Variants in ABHD16A observed in about 807,000 individuals in gnomAD.
ABHD16A encodes abhydrolase domain containing 16A, phospholipase, also known as phosphatidylserine lipase ABHD16A.
In ABHD16A, 47 loss-of-function variants were observed where a neutral mutation model predicts 89.8. That is an observed-to-expected ratio of 0.52 (90% CI 0.41 to 0.67). ABHD16A has a LOEUF of 0.67. ABHD16A is among the 30% of genes least tolerant of loss of function. The pLI is 0.00. For synonymous variants in ABHD16A, 251 were observed against 280.4 expected (o/e 0.90, Z 1.05); for missense variants, 580 against 734.6 (o/e 0.79, Z 2.43).
chr6:31,698,595 C>T lies in ABHD16A; in HGVS notation c.344-1562G>A, dbSNP rs1804615224. 6.6e-6 allele frequency among the ~76,000 whole-genome samples: 1 copy of T among 152,104 alleles called. No individual in the cohort carries two copies. Among genetic ancestry groups the T allele is most frequent in the Non-Finnish European group, 1.5e-5 (1 of 68,020 alleles). ...CCGCCTCCCGGGTTCAAGTGATTCT[C>T]CTGCCACAGCCTCCCAAATAGCTGG... is the stretch of plus-strand genomic sequence containing the variant. On this transcript the variant is annotated intron_variant, in intron 4 of 19. Transcript: ENST00000395952. This position sits in a 1 kb window ranked among gnomAD's most constrained non-coding sequence, Gnocchi z 4.1.
Position 31,690,435 on chromosome 6 carries a change from C to T in ABHD16A, c.907+104G>A. The T allele has an allele frequency of 7.7e-7, 1 of 1,293,280 alleles. No homozygotes were observed. The allele number at this position is 1,293,280 out of a possible 1,614,324, so 80.1% of individuals were successfully genotyped here. ...TTCCCTAAAGCTGAGAGACTCAAAACCTCACCCAGAGAAAGCAGAGGCCAG... is the reference window on the plus strand; with the variant it reads ...TTCCCTAAAGCTGAGAGACTCAAAATCTCACCCAGAGAAAGCAGAGGCCAG... On this transcript the variant is annotated intron_variant, in intron 10 of 19. Coordinates refer to ENST00000395952, the MANE Select transcript of ABHD16A (RefSeq NM_021160.3). The surrounding 1 kb of genome is among the most constrained non-coding windows in gnomAD (Gnocchi z 4.1).
intron 4 of ABHD16A, among the ~76,000 whole-genome samples, chr6:31,699,595 CAG>C (rs1035513731): frequency 6.6e-6 from 1 of 151,934 alleles, no homozygotes; most frequent in East Asian, 1.9e-4. Context: ...TATCTGGAGA[CAG>C]AGTCTCGCTC....
At position 31,690,483 on chromosome 6, in the gene ABHD16A, G is replaced by C; in HGVS notation, c.907+56C>G. 3 of 1,581,342 alleles carry C rather than the reference G, an allele frequency of 1.9e-6. No individual in the cohort carries two copies. In the South Asian group the frequency reaches 3.3e-5, roughly 17 times the overall value. ...CAGGGGAGGTCAGGTCAGTGTGGGA[G>C]GCAGGGACATTCCCTTTCAAAGGGC... On this transcript the variant is annotated intron_variant, in intron 10 of 19. Coordinates refer to ENST00000395952, the MANE Select transcript of ABHD16A (RefSeq NM_021160.3). This position sits in a 1 kb window ranked among gnomAD's most constrained non-coding sequence, Gnocchi z 4.1.
In ABHD16A at chr6:31,690,268, A is replaced by T; in HGVS notation, c.908-141T>A. ...TCCCAGAAATAGGAGATGACACCAG[A>T]GGTTCTGAGGCAGCACAGGGAGCAG... On this transcript the variant is annotated intron_variant, in intron 10 of 19. Coordinates refer to ENST00000395952, the MANE Select transcript of ABHD16A (RefSeq NM_021160.3). The surrounding 1 kb of genome is among the most constrained non-coding windows in gnomAD (Gnocchi z 4.1). 1.2e-6 allele frequency: 1 copy of T among 807,266 alleles called. No homozygotes were observed. Among genetic ancestry groups the T allele is most frequent in the Non-Finnish European group, 1.9e-6 (1 of 516,238 alleles). The allele number at this position is 807,266 out of a possible 1,614,324, so 50.0% of individuals were successfully genotyped here.
Position 31,703,160 on chromosome 6 carries a change from G to T in ABHD16A, c.122C>A (p.Ser41Tyr). ...AGGAACTCGACTCACCCAGGAGCTG[G>T]AATGGGGGGCAGTGACTGCCGTTGG... ...ETPTAVTAPH[S>Y]SSWDTYYQPR... Residue 41 changes from serine (S) to tyrosine (Y), a missense_variant, in exon 1 of 20, where the codon TCC becomes TAC. Transcript: ENST00000395952. 1 of 1,433,062 alleles carries T rather than the reference G, an allele frequency of 7.0e-7. No homozygotes were observed. Among genetic ancestry groups the T allele is most frequent in the Non-Finnish European group, 9.2e-7 (1 of 1,086,294 alleles). The allele number at this position is 1,433,062 out of a possible 1,614,324, so 88.8% of individuals were successfully genotyped here.
rs1456013759 is a variant in ABHD16A at position 31,688,999 on chromosome 6, TGG to T, written c.1186+14_1186+15del. On this transcript the variant is annotated intron_variant, in intron 13 of 19. Coordinates refer to ENST00000395952, the MANE Select transcript of ABHD16A (RefSeq NM_021160.3). The surrounding 1 kb of genome is among the most constrained non-coding windows in gnomAD (Gnocchi z 4.9). ...CACCCCTTCCCAGGAAGGGCAGGCC[TGG>T]GAGCTGCACTCACTCCAGCTGTCTG... 2 of 1,606,564 alleles carry T rather than the reference TGG, an allele frequency of 1.2e-6. No individual in the cohort carries two copies. The highest frequency in any genetic ancestry group is 1.7e-6 in the Non-Finnish European group (2 of 1,174,714).
At chr6:31,699,675 C>G (rs1406770914) in intron 4 of ABHD16A, among the ~76,000 whole-genome samples, 1 of 152,072 alleles carries the variant, frequency 6.6e-6, no homozygotes, top group Non-Finnish European at 1.5e-5. Flanking sequence ...CAGGTTCAAG[C>G]AGTTCTCATG....
At chr6:31,696,133 C>T (rs1398273059) in intron 5 of ABHD16A, among the ~76,000 whole-genome samples, 1 of 149,808 alleles carries the variant, frequency 6.7e-6, no homozygotes, top group African/African-American at 2.5e-5. Context: ...CACTGCACTC[C>T]AGCCTGGGCG....
Position 31,703,096 on chromosome 6 carries a change from C to T in ABHD16A, c.132+54G>A. 3.6e-6 allele frequency: 5 copies of T among 1,376,194 alleles called. No individual in the cohort carries two copies. In the South Asian group the frequency reaches 1.0e-4, roughly 28 times the overall value. 85.2% of individuals were successfully genotyped at this position (1,376,194 alleles called of 1,614,324 possible). A position where few individuals can be genotyped will look rare whatever the true frequency, so the allele number is the denominator to read the frequency against. On this transcript the variant is annotated intron_variant, in intron 1 of 19. Transcript: ENST00000395952. The stretch of plus-strand genomic sequence containing the variant: ...ATGGGCACTTCTGGGGAGCAAAAGG[C>T]CGTAAAGGGTTTGGACTGTACCACG...
chr6:31,699,555 T>C (rs1393078674), intron 4 of ABHD16A, among the ~76,000 whole-genome samples: 1 of 152,076 alleles, frequency 6.6e-6, no homozygotes, highest in Non-Finnish European at 1.5e-5. Context: ...TAACACAACA[T>C]TTGAGAAATT....
At position 31,688,418 on chromosome 6, in the gene ABHD16A, C is replaced by T. The variant is rs1803520773; in HGVS notation, c.1251-113G>A. 3 of 1,119,278 alleles carry T rather than the reference C, an allele frequency of 2.7e-6. No individual in the cohort carries two copies. Among genetic ancestry groups the T allele is most frequent in the Admixed American group, 1.9e-5 (1 of 53,318 alleles). The allele number at this position is 1,119,278 out of a possible 1,614,324, so 69.3% of individuals were successfully genotyped here. On this transcript the variant is annotated intron_variant, in intron 14 of 19. Coordinates refer to ENST00000395952, the MANE Select transcript of ABHD16A (RefSeq NM_021160.3). This position sits in a 1 kb window ranked among gnomAD's most constrained non-coding sequence, Gnocchi z 4.9. ...TTACCCTCCCCTTGCTATAGCACAG[C>T]CCTTGACCTAGCCCTTCACTCAGGG... is the stretch of plus-strand genomic sequence containing the variant.
At position 31,693,371 on chromosome 6, in the gene ABHD16A, T is replaced by C; in HGVS notation, c.491A>G (p.Glu164Gly). 6.2e-7 allele frequency: 1 copy of C among 1,613,080 alleles called. No individual in the cohort carries two copies. The change falls in exon 6 of 20, where the codon GAA becomes GGA. Residue 164 changes from glutamate to glycine, a missense_variant. Around this residue, in one of 2 missense-constraint regions of ABHD16A, gnomAD observed 415 missense variants for 568.8 expected, o/e 0.73. Transcript: ENST00000395952. The surrounding 1 kb of genome is among the most constrained non-coding windows in gnomAD (Gnocchi z 5.0). ...RSWPVDFHWE[E>G]PSSRKESRGG... Reference sequence around the variant, plus strand: ...ACTGGGGCCTCACCGGCTGCTGGGTTCTTCCCAGTGGAAGTCGACTGGCCA... The same window carrying C: ...ACTGGGGCCTCACCGGCTGCTGGGTCCTTCCCAGTGGAAGTCGACTGGCCA...
intron 1 of ABHD16A, chr6:31,702,702 T>C: frequency 6.5e-7 from 1 of 1,545,220 alleles, no homozygotes; most frequent in Non-Finnish European, 8.7e-7. Flanking sequence ...ATACAGGATC[T>C]GTAAAAGTCA....
At chr6:31,696,163 C>CAA (rs59018866) in intron 5 of ABHD16A, among the ~76,000 whole-genome samples, 6 of 69,708 alleles carry the variant, frequency 8.6e-5, no homozygotes, top group Admixed American at 1.6e-4. Context: ...GACTCCGTCT[C>CAA]AAAAAAAAAA....
Position 31,703,253 on chromosome 6 carries a change from C to T in ABHD16A, c.29G>A (p.Gly10Asp). The change falls in exon 1 of 20, where the codon GGC (glycine) becomes GAC (aspartate). Residue 10 changes from glycine (G) to aspartate (D), a missense_variant. This residue lies in a region of ABHD16A where 165 missense variants were observed against 165.8 expected (regional missense o/e 1.00). Coordinates refer to ENST00000395952, the MANE Select transcript of ABHD16A (RefSeq NM_021160.3). MAKLLSCVL[G>D]PRLYKIYRER... ...CCGGTAGATTTTGTAGAGCCGGGGGCCTAGGACGCAGCTCAGCAGCTTCGC... is the reference window on the plus strand; with the variant it reads ...CCGGTAGATTTTGTAGAGCCGGGGGTCTAGGACGCAGCTCAGCAGCTTCGC... 7.1e-7 allele frequency: 1 copy of T among 1,409,022 alleles called. No homozygotes were observed. The highest frequency in any genetic ancestry group is 9.4e-7 in the Non-Finnish European group (1 of 1,068,980). 87.3% of individuals were successfully genotyped at this position (1,409,022 alleles called of 1,614,324 possible).
intron 12 of ABHD16A, 82 bp from the exon 13 acceptor site, chr6:31,689,201 C>G: frequency 1.6e-6 from 2 of 1,266,012 alleles, no homozygotes; most frequent in Non-Finnish European, 2.2e-6. Flanking sequence ...CCCACTGACC[C>G]TATAGGCCAA....
intron 2 of ABHD16A, 43 bp downstream of exon 2, chr6:31,702,031 G>A: frequency 2.5e-6 from 4 of 1,609,526 alleles, no homozygotes; most frequent in Non-Finnish European, 3.4e-6. Context: ...GAGGACAGGT[G>A]GGTCTGAAAG....
chr6:31,692,694 G>A, intron 7 of ABHD16A: 1 of 401,302 alleles, frequency 2.5e-6, no homozygotes, highest in East Asian at 5.5e-5. Flanking sequence ...GCCACGATGG[G>A]TACACAGATG....
chr6:31,694,387 C>CTTTTTTTTTTTTTTTT (rs1190272819), intron 5 of ABHD16A, among the ~76,000 whole-genome samples: 1 of 77,706 alleles, frequency 1.3e-5, no homozygotes, highest in Non-Finnish European at 2.3e-5. Flanking sequence ...GGAGCTGTGT[C>CTTTTTTTTTTTTTTTT]TTTTTTTTTT....
Sources: allele counts gnomAD v4.1 joint callset (sites outside exome capture counted in the v4.1 genomes callset), GRCh38; gene constraint gnomAD v4.1.1; regional missense constraint gnomAD v4.1.1; non-coding constraint Gnocchi (gnomAD v3.1); transcripts MANE v1.5; gene names NCBI Gene and HGNC (gene_info 2026-07-23, HGNC 2026-07-21).